LRRC4C: variants seen among roughly 807,000 people sequenced by gnomAD.
The protein encoded by LRRC4C is leucine rich repeat containing 4C, also known as leucine-rich repeat-containing protein 4C.
Under a neutral mutation model 33.6 loss-of-function variants are expected in LRRC4C, and 5 were observed. The ratio of observed to expected loss-of-function variants is 0.15; its 90% confidence interval spans 0.08 to 0.31. The LOEUF is 0.31. LRRC4C is among the 10% of genes least tolerant of loss of function. LRRC4C has a pLI of 1.00. For synonymous variants in LRRC4C, 329 were observed against 302.0 expected (o/e 1.09, Z -0.93); for missense variants, 560 against 796.7 (o/e 0.70, Z 3.58).
intron 4 of LRRC4C, chr11:40,293,734 G>C (rs1944360245): frequency 6.6e-6 from 1 of 152,154 alleles, no homozygotes; most frequent in African/African-American, 2.4e-5. Flanking sequence ...ATTTCCAGCT[G>C]CGTTGGGTAC....
intron 3 of LRRC4C, among the ~76,000 whole-genome samples, chr11:40,487,257 G>A (rs984597803): frequency 9.9e-5 from 15 of 152,146 alleles, no homozygotes; most frequent in African/African-American, 3.4e-4. Flanking sequence ...TGAGGCTTCT[G>A]TAATTTGCAG....
chr11:40,774,889 C>T (rs1301295514), intron 2 of LRRC4C, among the ~76,000 whole-genome samples: 1 of 151,964 alleles, frequency 6.6e-6, no homozygotes, highest in East Asian at 1.9e-4. Flanking sequence ...GGAATTTAGA[C>T]CAAAGCATCA....
At chr11:40,516,432 A>C (rs1293317698) in intron 3 of LRRC4C, among the ~76,000 whole-genome samples, 1 of 152,068 alleles carries the variant, frequency 6.6e-6, no homozygotes, top group Non-Finnish European at 1.5e-5. Flanking sequence ...CTAGTTAAAT[A>C]CAGAATTTTA....
intron 4 of LRRC4C, among the ~76,000 whole-genome samples, chr11:40,303,942 T>C (rs1413973462): frequency 1.3e-5 from 2 of 152,214 alleles, no homozygotes; most frequent in African/African-American, 2.4e-5. Flanking sequence ...AAACCATAAT[T>C]GCAGGAAATG....
At chr11:41,202,724 C>A (rs1407454184) in intron 1 of LRRC4C, among the ~76,000 whole-genome samples, 1 of 151,734 alleles carries the variant, frequency 6.6e-6, no homozygotes, top group East Asian at 1.9e-4. Context: ...GCTATAAAGA[C>A]AAAATTTCCC....
chr11:40,521,009 T>TA (rs928653221), intron 3 of LRRC4C, among the ~76,000 whole-genome samples: 60 of 151,026 alleles, frequency 4.0e-4, no homozygotes, highest in Middle Eastern at 3.4e-3. Context: ...ATCCATTGCT[T>TA]AAAAAAAAAG....
At chr11:40,393,596 T>C (rs886520415) in intron 3 of LRRC4C, among the ~76,000 whole-genome samples, 3 of 152,186 alleles carry the variant, frequency 2.0e-5, no homozygotes, top group Non-Finnish European at 4.4e-5. Flanking sequence ...AACTCGGTAC[T>C]TAACTTCGGA....
intron 2 of LRRC4C, among the ~76,000 whole-genome samples, chr11:40,879,402 A>G (rs577652188): frequency 6.6e-6 from 1 of 152,282 alleles, no homozygotes; most frequent in South Asian, 2.1e-4. Context: ...TGGAAAGATG[A>G]TGGCTTACTT....
At chr11:41,345,956 C>T (rs1267662123) in intron 1 of LRRC4C, among the ~76,000 whole-genome samples, 1 of 133,934 alleles carries the variant, frequency 7.5e-6, no homozygotes, top group Non-Finnish European at 1.6e-5. Context: ...CTCTGATGGC[C>T]ATAGCCTATA....
chr11:40,737,900 C>T (rs747768889), intron 2 of LRRC4C, among the ~76,000 whole-genome samples: 3 of 152,068 alleles, frequency 2.0e-5, no homozygotes, highest in Non-Finnish European at 4.4e-5. Flanking sequence ...CAAAAAAGAG[C>T]CCATACAAGC....
chr11:40,238,647 C>T (rs538597449), intron 5 of LRRC4C, among the ~76,000 whole-genome samples: 3 of 152,200 alleles, frequency 2.0e-5, no homozygotes, highest in Admixed American at 2.0e-4. Context: ...GTAAATTCAC[C>T]TAAGTTAGAG....
At chr11:40,987,665 A>ATC (rs1565274622) in intron 1 of LRRC4C, among the ~76,000 whole-genome samples, 1 of 18,058 alleles carries the variant, frequency 5.5e-5, no homozygotes, top group Non-Finnish European at 1.2e-4. Flanking sequence ...CATATATATG[A>ATC]GATATAAATG....
chr11:41,026,322 A>G (rs1349416113), intron 1 of LRRC4C, among the ~76,000 whole-genome samples: 1 of 151,672 alleles, frequency 6.6e-6, no homozygotes, highest in Non-Finnish European at 1.5e-5. Context: ...TTAAGAGCTC[A>G]GTGAGGGAAG....
chr11:40,427,831 A>C (rs924996318), intron 3 of LRRC4C, among the ~76,000 whole-genome samples: 1 of 152,170 alleles, frequency 6.6e-6, no homozygotes, highest in Non-Finnish European at 1.5e-5. Context: ...CTGTCTTAAA[A>C]AAACAAAAGA....
At chr11:41,014,586 G>A (rs1452764974) in intron 1 of LRRC4C, among the ~76,000 whole-genome samples, 5 of 151,750 alleles carry the variant, frequency 3.3e-5, no homozygotes, top group Non-Finnish European at 2.9e-5. Context: ...GATAAACCTG[G>A]AGGCCCACAC....
intron 1 of LRRC4C, among the ~76,000 whole-genome samples, chr11:41,322,343 T>A (rs1328728494): frequency 6.6e-6 from 1 of 152,156 alleles, no homozygotes; most frequent in African/African-American, 2.4e-5. Flanking sequence ...CTAATTTGTA[T>A]AGGTTTACCC....
intron 3 of LRRC4C, among the ~76,000 whole-genome samples, chr11:40,636,335 T>C (rs1410326027): frequency 6.6e-6 from 1 of 152,118 alleles, no homozygotes; most frequent in Admixed American, 6.6e-5. Flanking sequence ...GTATGGTTTA[T>C]GGGTAAGGGA....
intron 2 of LRRC4C, among the ~76,000 whole-genome samples, chr11:40,751,420 G>A (rs1391030912): frequency 6.6e-6 from 1 of 152,040 alleles, no homozygotes; most frequent in East Asian, 1.9e-4. Context: ...CAGAAATGTT[G>A]AAGGATACAA....
At chr11:40,130,849 T>C (rs1856598879) in intron 6 of LRRC4C, among the ~76,000 whole-genome samples, 1 of 152,196 alleles carries the variant, frequency 6.6e-6, no homozygotes. Context: ...TGCTCCTTCT[T>C]ACTTTAGATT....
Sources: gnomAD v4.1 joint callset for allele counts (sites outside exome capture counted in the v4.1 genomes callset) on GRCh38, gnomAD v4.1.1 for gene constraint, MANE v1.5 for transcripts, NCBI Gene and HGNC (gene_info 2026-07-23, HGNC 2026-07-21) for gene names.